CMIP: variants seen among roughly 807,000 people sequenced by gnomAD.
The protein encoded by CMIP is C-Maf-inducing protein.
CMIP carries 13 observed loss-of-function variants against 97.3 expected under a neutral mutation model. The observed-to-expected ratio is 0.13, with a 90% CI of 0.09 to 0.21. The LOEUF (loss-of-function observed/expected upper bound fraction) is 0.21, where lower values mean the gene tolerates loss of function less well. CMIP is among the 10% of genes least tolerant of loss of function. The pLI is 1.00. For missense variants in CMIP, 847 were observed against 1,024.9 expected (o/e 0.83, Z 2.37); for synonymous variants, 538 against 436.3 (o/e 1.23, Z -2.91).
chr16:81,521,941 G>A (rs2090036904), intron 1 of CMIP, among the ~76,000 whole-genome samples: 1 of 152,210 alleles, frequency 6.6e-6, no homozygotes, highest in Non-Finnish European at 1.5e-5. Flanking sequence ...GTGAAATGCA[G>A]GGTACAGAAT....
intron 9 of CMIP, among the ~76,000 whole-genome samples, chr16:81,675,334 G>C (rs1904290771): frequency 6.6e-6 from 1 of 151,284 alleles, no homozygotes; most frequent in Non-Finnish European, 1.5e-5. Context: ...CACCCAAGTA[G>C]CTGGGATTAC....
intron 18 of CMIP, among the ~76,000 whole-genome samples, chr16:81,705,147 C>T (rs1258393204): frequency 1.3e-5 from 2 of 152,192 alleles, no homozygotes; most frequent in African/African-American, 4.8e-5. Context: ...GCAGCCTGCC[C>T]CCGGCCCAGC....
At chr16:81,564,164 C>T (rs1485417287) in intron 1 of CMIP, among the ~76,000 whole-genome samples, 4 of 152,210 alleles carry the variant, frequency 2.6e-5, no homozygotes, top group African/African-American at 9.6e-5. Context: ...GTCAAATACA[C>T]CTGCCAGGGG....
intron 6 of CMIP, among the ~76,000 whole-genome samples, chr16:81,663,945 G>A (rs776055326): frequency 2.0e-4 from 30 of 152,068 alleles, no homozygotes; most frequent in Non-Finnish European, 3.7e-4. Flanking sequence ...GCTGGCCTGC[G>A]TGCCCAGGGT....
chr16:81,451,710 A>G (rs1056950334), intron 1 of CMIP, among the ~76,000 whole-genome samples: 10 of 152,176 alleles, frequency 6.6e-5, no homozygotes, highest in African/African-American at 2.4e-4. Flanking sequence ...GAAGGAACAT[A>G]GGTGACCAGG....
intron 11 of CMIP, among the ~76,000 whole-genome samples, chr16:81,692,180 G>A (rs1227929914): frequency 1.3e-5 from 2 of 152,184 alleles, no homozygotes; most frequent in African/African-American, 4.8e-5. Flanking sequence ...CACCAGATGG[G>A]AACCGTAATA....
rs2092085921 is a variant in CMIP, at chr16:81,627,236, AGT to A, written c.477+6320_477+6321del. 7.4e-6 allele frequency among the ~76,000 whole-genome samples: 1 copy of A among 135,880 alleles called. No homozygotes were observed. The highest frequency in any genetic ancestry group is 2.8e-5 in the African/African-American group (1 of 36,182). 89.1% of individuals were successfully genotyped at this position (135,880 alleles called of 152,430 possible). The stretch of plus-strand genomic sequence containing the variant: ...GGGATGACTGTTTTATGTGTGTGTG[AGT>A]GTGTGTGTGGCCTGTGGGGATACTA... On this transcript the variant is annotated intron_variant, in intron 3 of 20. Coordinates refer to ENST00000537098, the MANE Select transcript of CMIP (RefSeq NM_198390.3). The surrounding 1 kb of genome is among the most constrained non-coding windows in gnomAD (Gnocchi z 4.6).
At chr16:81,471,597 AT>A (rs1172214235) in intron 1 of CMIP, among the ~76,000 whole-genome samples, 9 of 152,020 alleles carry the variant, frequency 5.9e-5, no homozygotes, top group Non-Finnish European at 1.3e-4. Context: ...ACACACAGTT[AT>A]ACAGTAGTCC....
intron 1 of CMIP, among the ~76,000 whole-genome samples, chr16:81,569,037 G>T (rs1172475392): frequency 1.3e-5 from 2 of 152,182 alleles, no homozygotes; most frequent in Non-Finnish European, 2.9e-5. Flanking sequence ...TTCACCTGGA[G>T]AACTCGCAGA....
At position 81,650,726 on chromosome 16, in the gene CMIP, C is replaced by T. The variant is rs180838276; in HGVS notation, c.478-1477C>T. 2.6e-5 allele frequency among the ~76,000 whole-genome samples: 4 copies of T among 152,268 alleles called. No homozygotes were observed. In the East Asian group the frequency reaches 5.8e-4, roughly 22 times the overall value. ...TTTATCTGGACTTGACTTTTGAATG[C>T]GGCTCCATAGAGTGGACCACATGGG... On this transcript the variant is annotated intron_variant, in intron 3 of 20. Transcript: ENST00000537098.
chr16:81,587,501 C>T (rs537981665), intron 1 of CMIP, among the ~76,000 whole-genome samples: 7 of 152,240 alleles, frequency 4.6e-5, no homozygotes, highest in Non-Finnish European at 8.8e-5. Flanking sequence ...CCAGCTGCTG[C>T]ACAGATTGCG....
chr16:81,594,838 G>C (rs1424640859), intron 1 of CMIP, among the ~76,000 whole-genome samples: 1 of 139,836 alleles, frequency 7.2e-6, no homozygotes, highest in African/African-American at 2.7e-5. Context: ...TAGCATGTTA[G>C]CCAGAATGGT....
chr16:81,706,949 C>T, intron 19 of CMIP, 65 bp from the exon 20 acceptor site: 2 of 1,428,678 alleles, frequency 1.4e-6, no homozygotes, highest in South Asian at 1.2e-5. Context: ...TCCAGCTTGG[C>T]CATCCCATAC....
In CMIP at chr16:81,627,633, G is replaced by C. The variant is rs1270900517; in HGVS notation, c.477+6707G>C. Among the ~76,000 whole-genome samples, 1 of 95,730 alleles carries C rather than the reference G, an allele frequency of 1.0e-5. No individual in the cohort carries two copies. Among genetic ancestry groups the C allele is most frequent in the Non-Finnish European group, 2.6e-5 (1 of 37,984 alleles). The allele number at this position is 95,730 out of a possible 152,430, so 62.8% of individuals were successfully genotyped here. On this transcript the variant is annotated intron_variant, in intron 3 of 20. Coordinates refer to ENST00000537098, the MANE Select transcript of CMIP (RefSeq NM_198390.3). The surrounding 1 kb of genome is among the most constrained non-coding windows in gnomAD (Gnocchi z 4.6). ...GAGTGTCCCCTGTGTCCAGCACTAT[G>C]TGCCCCTGTGCTCCTGAGTCCGGAA...
chr16:81,523,109 A>G (rs1361023626), intron 1 of CMIP, among the ~76,000 whole-genome samples: 1 of 152,076 alleles, frequency 6.6e-6, no homozygotes, highest in Non-Finnish European at 1.5e-5. Context: ...TGGTAGAGAC[A>G]GGACTTCGCT....
At chr16:81,517,914 G>C (rs2089947528) in intron 1 of CMIP, 1 of 983,862 alleles carries the variant, frequency 1.0e-6, no homozygotes, top group Admixed American at 6.2e-5. Flanking sequence ...TGGACCTCCT[G>C]CCACAGCCAC....
At chr16:81,480,386 A>G (rs144621733) in intron 1 of CMIP, among the ~76,000 whole-genome samples, 2,198 of 152,132 alleles carry the variant, frequency 0.014, 53 homozygotes, top group African/African-American at 0.051. Context: ...CTAAAAATAT[A>G]AAAATTAGCC....
intron 3 of CMIP, among the ~76,000 whole-genome samples, chr16:81,632,673 C>G (rs2092179578): frequency 1.3e-5 from 2 of 152,238 alleles, no homozygotes; most frequent in African/African-American, 2.4e-5. Context: ...CGCAGCCCCC[C>G]AACACGGAAG....
rs576274539 is a variant in CMIP, at chr16:81,710,809, C to T, written c.*1010C>T. The T allele has an allele frequency of 6.6e-6, 1 of 152,252 alleles. No individual in the cohort carries two copies. The highest frequency in any genetic ancestry group is 1.9e-4 in the East Asian group (1 of 5,168). The allele number at this position is 152,252 out of a possible 1,614,324, so 9.4% of individuals were successfully genotyped here. A position where few individuals can be genotyped will look rare whatever the true frequency, so the allele number is the denominator to read the frequency against. On this transcript the variant is annotated 3_prime_UTR_variant, in exon 21 of 21. Transcript: ENST00000537098. ...GGCTGCTAACCCGCCCTCTCCAGTC[C>T]ACCCCGGTAAAAGAGCTGTTCCCCA...
Sources: gnomAD v4.1 joint callset for allele counts (sites outside exome capture counted in the v4.1 genomes callset) on GRCh38, gnomAD v4.1.1 for gene constraint, Gnocchi (gnomAD v3.1) non-coding constraint, MANE v1.5 for transcripts, NCBI Gene and HGNC (gene_info 2026-07-23, HGNC 2026-07-21) for gene names.